Variants in TAF4B observed in about 807,000 individuals in gnomAD.
TAF4B encodes TATA-box binding protein associated factor 4b.
Under a neutral mutation model 86.4 loss-of-function variants are expected in TAF4B, and 38 were observed. The observed-to-expected ratio is 0.44, with a 90% confidence interval of 0.34 to 0.58. The LOEUF is 0.58. Among genes scored for constraint, TAF4B ranks in the 20% least tolerant of loss-of-function variants. TAF4B has a pLI of 0.02. For missense variants in TAF4B, 988 were observed against 1,027.6 expected (o/e 0.96, Z 0.53); for synonymous variants, 388 against 391.2 (o/e 0.99, Z 0.10).
chr18:26,276,872 A>G (rs552434298), intron 5 of TAF4B, among the ~76,000 whole-genome samples: 2 of 130,934 alleles, frequency 1.5e-5, no homozygotes, highest in East Asian at 4.0e-4. Flanking sequence ...ACCACAAAAC[A>G]TATGTGTGAA....
intron 3 of TAF4B, 122 bp downstream of exon 3, chr18:26,267,745 AT>A: frequency 1.5e-6 from 1 of 655,546 alleles, no homozygotes; most frequent in Non-Finnish European, 2.7e-6. Context: ...TCAGTAATAT[AT>A]GATGGCACTT....
chr18:26,235,656 C>T (rs181126042), intron 1 of TAF4B, among the ~76,000 whole-genome samples: 3 of 152,196 alleles, frequency 2.0e-5, no homozygotes, highest in East Asian at 1.9e-4. Context: ...GCAAGACTGT[C>T]GATGTGGGAT....
intron 5 of TAF4B, among the ~76,000 whole-genome samples, chr18:26,276,286 T>C (rs1385229051): frequency 6.6e-6 from 1 of 152,136 alleles, no homozygotes; most frequent in Non-Finnish European, 1.5e-5. Context: ...TGCCTTTGGT[T>C]TCTTACATCC....
chr18:26,388,360 G>A (rs1301714818), intron 14 of TAF4B, among the ~76,000 whole-genome samples: 1 of 152,178 alleles, frequency 6.6e-6, no homozygotes, highest in Non-Finnish European at 1.5e-5. Context: ...TAGAATTCAT[G>A]TTGTTCTGTT....
chr18:26,376,154 C>G (rs2057441271), intron 14 of TAF4B, among the ~76,000 whole-genome samples: 2 of 149,858 alleles, frequency 1.3e-5, no homozygotes, highest in Admixed American at 6.7e-5. Flanking sequence ...TATTTGTTTT[C>G]AAGATCATTT....
chr18:26,347,889 A>G (rs1370481582), intron 13 of TAF4B, among the ~76,000 whole-genome samples: 2 of 152,252 alleles, frequency 1.3e-5, no homozygotes, highest in African/African-American at 4.8e-5. Context: ...ATATATGTGT[A>G]CCCAACACTG....
intron 3 of TAF4B, among the ~76,000 whole-genome samples, chr18:26,270,689 G>C: frequency 6.6e-6 from 1 of 150,974 alleles, no homozygotes; most frequent in East Asian, 1.9e-4. Flanking sequence ...TCTTTACTAA[G>C]CTTAAACTAA....
intron 9 of TAF4B, chr18:26,304,908 G>T (rs968253908): frequency 6.1e-6 from 6 of 983,976 alleles, no homozygotes; most frequent in Non-Finnish European, 7.2e-6. Context: ...TATTACTTTC[G>T]CCCATTTATC....
chr18:26,239,660 C>T (rs531079575), intron 1 of TAF4B, among the ~76,000 whole-genome samples: 1 of 152,152 alleles, frequency 6.6e-6, no homozygotes, highest in African/African-American at 2.4e-5. Context: ...GAAGTCCTTG[C>T]CCATGCCTAT....
At chr18:26,292,102 C>T in intron 7 of TAF4B, 144 bp from the exon 8 acceptor site, 1 of 795,386 alleles carries the variant, frequency 1.3e-6, no homozygotes, top group Non-Finnish European at 1.8e-6. Context: ...AATTTTGCTT[C>T]ATACAAATTT....
chr18:26,253,931 A>G (rs928666657), intron 1 of TAF4B, among the ~76,000 whole-genome samples: 1 of 96,696 alleles, frequency 1.0e-5, no homozygotes, highest in Non-Finnish European at 1.8e-5. Context: ...TTTGTTAATT[A>G]ATTTATTTTT....
rs148712668 is a variant in TAF4B, at chr18:26,288,006, A to G, written c.1590+1507A>G. On this transcript the variant is annotated intron_variant, in intron 7 of 14. Coordinates refer to ENST00000269142, the MANE Select transcript of TAF4B (RefSeq NM_005640.3). ...TGGGTACGTGAATTTAATCTCAGAGATGAAACAACATTTTTAGAAGCAGTG... is the reference window on the plus strand; with the variant it reads ...TGGGTACGTGAATTTAATCTCAGAGGTGAAACAACATTTTTAGAAGCAGTG... Among the ~76,000 whole-genome samples the G allele has an allele frequency of 7.2e-5, 11 of 152,306 alleles. No individual in the cohort carries two copies. In the East Asian group the frequency reaches 1.7e-3, roughly 24 times the overall value.
intron 12 of TAF4B, among the ~76,000 whole-genome samples, chr18:26,329,830 G>C (rs1018618970): frequency 6.6e-6 from 1 of 151,878 alleles, no homozygotes; most frequent in Non-Finnish European, 1.5e-5. Flanking sequence ...TTTGAGACAG[G>C]GTCTCACTTT....
At chr18:26,355,752 A>G (rs930340105) in intron 13 of TAF4B, among the ~76,000 whole-genome samples, 1 of 152,224 alleles carries the variant, frequency 6.6e-6, no homozygotes, top group Admixed American at 6.5e-5. Context: ...ACTTTAAAAT[A>G]TAGCTTGTTG....
At chr18:26,373,775 T>G (rs1421422452) in intron 14 of TAF4B, among the ~76,000 whole-genome samples, 1 of 152,228 alleles carries the variant, frequency 6.6e-6, no homozygotes, top group Non-Finnish European at 1.5e-5. Flanking sequence ...ATTCATTCAT[T>G]TATTCATTCC....
At chr18:26,383,041 GTCTGTA>G (rs879414676) in intron 14 of TAF4B, among the ~76,000 whole-genome samples, 8 of 152,060 alleles carry the variant, frequency 5.3e-5, no homozygotes, top group Admixed American at 5.2e-4. Context: ...GCAATTAATT[GTCTGTA>G]TCAAAAAGGA....
chr18:26,251,390 A>C (rs1490248318), intron 1 of TAF4B, among the ~76,000 whole-genome samples: 2 of 152,194 alleles, frequency 1.3e-5, no homozygotes, highest in Non-Finnish European at 2.9e-5. Flanking sequence ...TTTCAGGGGC[A>C]GTATTTACAA....
At chr18:26,335,252 T>C in intron 13 of TAF4B, 21 bp downstream of exon 13, 2 of 1,583,534 alleles carry the variant, frequency 1.3e-6, no homozygotes, top group East Asian at 2.4e-5. Context: ...CAAGTTACCA[T>C]GCTTGTCTTT....
chr18:26,295,016 C>T (rs1388455289), intron 9 of TAF4B, among the ~76,000 whole-genome samples: 2 of 149,010 alleles, frequency 1.3e-5, no homozygotes, highest in Non-Finnish European at 3.0e-5. Context: ...ATAAACATGC[C>T]ACAAGGAAAA....
Sources: gnomAD v4.1 joint callset for allele counts (sites outside exome capture counted in the v4.1 genomes callset) on GRCh38, gnomAD v4.1.1 for gene constraint, MANE v1.5 for transcripts, NCBI Gene and HGNC (gene_info 2026-07-23, HGNC 2026-07-21) for gene names.